Variants in LAMA5 observed in about 807,000 individuals in gnomAD.
The protein encoded by LAMA5 is laminin subunit alpha 5.
In LAMA5, 260 loss-of-function variants were observed where a neutral mutation model predicts 433.4. The ratio of observed to expected loss-of-function variants is 0.60; its 90% CI spans 0.54 to 0.66. The LOEUF is 0.66. LAMA5 is among the 30% of genes least tolerant of loss of function. LAMA5 has a pLI of 0.00. For missense variants in LAMA5, 5,378 were observed against 5,258.5 expected (o/e 1.02, Z -0.70); for synonymous variants, 2,620 against 2,226.6 (o/e 1.18, Z -4.97).
intron 20 of LAMA5, 27 bp from the exon 21 acceptor site, chr20:62,334,648 G>A: frequency 1.3e-6 from 2 of 1,531,610 alleles, no homozygotes; most frequent in Non-Finnish European, 1.8e-6. Flanking sequence ...GGAGGTCAGA[G>A]GCTGCCTGGC....
At chr20:62,357,974 G>C (rs1029535016) in intron 2 of LAMA5, among the ~76,000 whole-genome samples, 4 of 152,224 alleles carry the variant, frequency 2.6e-5, no homozygotes, top group African/African-American at 9.7e-5. Flanking sequence ...TATCCCAAGG[G>C]GACCCCTCGG....
At chr20:62,316,101 A>C in intron 57 of LAMA5, 43 bp from the exon 58 acceptor site, 1 of 1,402,002 alleles carries the variant, frequency 7.1e-7, no homozygotes, top group Non-Finnish European at 9.9e-7. Context: ...CTTCACCCCC[A>C]GTATACAATT....
Position 62,309,777 on chromosome 20 carries a change from C to G in LAMA5, c.10887G>C (p.Val3629=). 1 of 1,607,708 alleles carries G rather than the reference C, an allele frequency of 6.2e-7. No homozygotes were observed. Among genetic ancestry groups the G allele is most frequent in the Non-Finnish European group, 8.5e-7 (1 of 1,178,506 alleles). The change falls in exon 79 of 80, where the codon GTG becomes GTC. Residue 3629 remains valine (V), a synonymous_variant. Transcript: ENST00000252999. ...LEVDAQSNHT[V]GPLLAAAAGA... ...CAGCTGCAGCCGCCAGCAAGGGGCC[C>G]ACGGTGTGGTTGCTCTGCGCGTCCA...
At chr20:62,330,012 T>C in intron 31 of LAMA5, 96 bp from the exon 32 acceptor site, 1 of 1,482,342 alleles carries the variant, frequency 6.7e-7, no homozygotes, top group East Asian at 2.4e-5. Context: ...AGCCAAGGAG[T>C]GCCCGCTGGC....
intron 50 of LAMA5, 84 bp downstream of exon 50, chr20:62,320,474 TA>T: frequency 3.9e-6 from 4 of 1,018,038 alleles, no homozygotes; most frequent in South Asian, 1.4e-5. Flanking sequence ...AGGCATGAAG[TA>T]ACATCTGCTG....
chr20:62,341,946 A>C (rs184343994), intron 11 of LAMA5, among the ~76,000 whole-genome samples: 23 of 152,354 alleles, frequency 1.5e-4, no homozygotes, highest in Non-Finnish European at 2.6e-4. Flanking sequence ...ATGTCAATAC[A>C]TTAAAAAATC....
At chr20:62,346,364 C>T (rs1003519999) in intron 9 of LAMA5, 142 bp downstream of exon 9, 8 of 1,354,082 alleles carry the variant, frequency 5.9e-6, no homozygotes, top group East Asian at 2.5e-5. Flanking sequence ...GCTGGGGACC[C>T]GCCCCGTGGC....
intron 45 of LAMA5, 111 bp from the exon 46 acceptor site, chr20:62,322,869 C>A (rs1601322114): frequency 3.0e-6 from 2 of 675,574 alleles, no homozygotes; most frequent in Non-Finnish European, 4.7e-6. Context: ...CTCCTCCAGG[C>A]CGCCCGGACC....
rs576733612 is a variant in LAMA5 at position 62,314,610 on chromosome 20, G to A, written c.8312C>T (p.Pro2771Leu). Residue 2771 changes from proline to leucine, a missense_variant, in exon 61 of 80, where the codon CCT becomes CTT. Coordinates refer to ENST00000252999, the MANE Select transcript of LAMA5 (RefSeq NM_005560.6). ...ALKFYLQGPE[P>L]EPGQGTEDRF... Reference sequence around the variant, plus strand: ...ATCCTCGGTACCCTGCCCAGGCTCAGGCTCTGGGCCCTGCAGGTAGAACTT... The same window carrying A: ...ATCCTCGGTACCCTGCCCAGGCTCAAGCTCTGGGCCCTGCAGGTAGAACTT... The A allele has an allele frequency of 6.2e-7, 1 of 1,612,534 alleles. No homozygotes were observed. The highest frequency in any genetic ancestry group is 1.3e-5 in the African/African-American group (1 of 75,044).
chr20:62,323,143 T>C lies in LAMA5; in HGVS notation c.6064+313A>G, dbSNP rs562687586. Among the ~76,000 whole-genome samples the C allele has an allele frequency of 8.0e-5, 6 of 75,336 alleles. No homozygotes were observed. The East Asian group carries it at 2.4e-3, about 31-fold the overall frequency. 49.4% of individuals were successfully genotyped at this position (75,336 alleles called of 152,430 possible). ...GTGAAGGTGGGGGCCTGATCATGGGTAGGGGAGGGGGGATGTGATCCTGGT... is the reference window on the plus strand; with the variant it reads ...GTGAAGGTGGGGGCCTGATCATGGGCAGGGGAGGGGGGATGTGATCCTGGT... On this transcript the variant is annotated intron_variant, in intron 45 of 79. Transcript: ENST00000252999.
chr20:62,329,359 GCAGCAGCAGCCCAGCCCAGCCCAGCCCA>G lies in LAMA5; in HGVS notation c.4120-134_4120-107del. ...GTCCTGCAGGCAGCTCAGAGTCCTG[GCAGCAGCAGCCCAGCCCAGCCCAGCCCA>G]GCCCTGGGCCCTGGCTGCTCAGGGG... On this transcript the variant is annotated intron_variant, in intron 32 of 79. Transcript: ENST00000252999. The G allele has an allele frequency of 3.7e-6, 3 of 801,638 alleles. No homozygotes were observed. The South Asian group carries it at 5.2e-5, about 14-fold the overall frequency. The allele number at this position is 801,638 out of a possible 1,614,324, so 49.7% of individuals were successfully genotyped here.
In LAMA5 at chr20:62,332,683, G is replaced by A. The variant is rs1163316841; in HGVS notation, c.3317C>T (p.Pro1106Leu). 6 of 1,610,978 alleles carry A rather than the reference G, an allele frequency of 3.7e-6. No individual in the cohort carries two copies. The highest frequency in any genetic ancestry group is 5.1e-6 in the Non-Finnish European group (6 of 1,179,256). The change falls in exon 27 of 80, where the codon CCA (proline) becomes CTA (leucine). Residue 1106 changes from proline to leucine, a missense_variant. Physicochemically the swap from Pro to Leu is moderately conservative, Grantham distance 98. Transcript: ENST00000252999. The stretch of plus-strand genomic sequence containing the variant: ...CTCCACCACTAGGGCATAGCGGCCT[G>A]GCTGTGGCACTGCCACTTGAAGCTG... ...DVQLQVAVPQ[P>L]GRYALVVEYA...
At chr20:62,329,366 CAG>C (rs1163141229) in intron 32 of LAMA5, 113 bp from the exon 33 acceptor site, 1 of 51,034 alleles carries the variant, frequency 2.0e-5, no homozygotes, top group African/African-American at 7.5e-5. Flanking sequence ...CTGGCAGCAG[CAG>C]CCCAGCCCAG....
Position 62,313,561 on chromosome 20 carries a change from A to G in LAMA5, c.8658+88T>C, listed in dbSNP as rs1485991674. ...CTACAGCAGGACGGACTGAGGCAAG[A>G]TACCAAAAGAACCCGCGGCTCTCCA... On this transcript the variant is annotated intron_variant, in intron 63 of 79. Coordinates refer to ENST00000252999, the MANE Select transcript of LAMA5 (RefSeq NM_005560.6). The G allele has an allele frequency of 8.9e-6, 14 of 1,572,144 alleles. No individual in the cohort carries two copies. The East Asian group carries it at 2.0e-4, about 23-fold the overall frequency.
chr20:62,309,428 T>G lies in LAMA5; in HGVS notation c.10996A>C (p.Arg3666=). 1 of 1,584,528 alleles carries G rather than the reference T, an allele frequency of 6.3e-7. No homozygotes were observed. ...GGGGACCGGTTCACCGCCAGCCTCC[T>G]CATGCAGCCGCAGTAGGCGGGGGGC... ...PWPPAYCGCM[R]RLAVNRSPVA... The change falls in exon 80 of 80, where the codon AGG becomes CGG. Residue 3666 remains arginine (R), a synonymous_variant. Coordinates refer to ENST00000252999, the MANE Select transcript of LAMA5 (RefSeq NM_005560.6).
chr20:62,316,066 G>C lies in LAMA5; in HGVS notation c.7757-8C>G. The C allele has an allele frequency of 6.3e-7, 1 of 1,597,122 alleles. No individual in the cohort carries two copies. The highest frequency in any genetic ancestry group is 8.5e-7 in the Non-Finnish European group (1 of 1,172,034). On this transcript the variant is annotated splice_polypyrimidine_tract_variant and splice_region_variant and intron_variant, in intron 57 of 79. Transcript: ENST00000252999. ...CCTGGAGGGCAGCCCACACTGCGGG[G>C]GAGGCAGCTTCAGCTCCCAGGCAGC... is the stretch of plus-strand genomic sequence containing the variant.
intron 1 of LAMA5, among the ~76,000 whole-genome samples, chr20:62,364,901 A>C (rs1601442328): frequency 6.6e-6 from 1 of 152,240 alleles, no homozygotes; most frequent in African/African-American, 2.4e-5. Context: ...CCTCAGATGG[A>C]GCTGCGGCTT....
At position 62,327,249 on chromosome 20, in the gene LAMA5, G is replaced by A. The variant is rs1979459109; in HGVS notation, c.5096C>T (p.Ser1699Phe). Residue 1699 changes from serine to phenylalanine, a missense_variant, in exon 38 of 80, where the codon TCC becomes TTC. Ser to Phe is a radical substitution (Grantham distance 155). Coordinates refer to ENST00000252999, the MANE Select transcript of LAMA5 (RefSeq NM_005560.6). ...FPELYWQAPP[S>F]YLGDRVSSYG... The stretch of plus-strand genomic sequence containing the variant: ...CCTGCTTACCCGGTCCCCCAGGTAG[G>A]AGGGTGGGGCCTGCCAGTACAGCTC... 1 of 1,521,114 alleles carries A rather than the reference G, an allele frequency of 6.6e-7. No homozygotes were observed. Among genetic ancestry groups the A allele is most frequent in the East Asian group, 2.3e-5 (1 of 43,480 alleles). The allele number at this position is 1,521,114 out of a possible 1,614,324, so 94.2% of individuals were successfully genotyped here.
intron 58 of LAMA5, among the ~76,000 whole-genome samples, chr20:62,315,700 T>C (rs1986863892): frequency 6.6e-6 from 1 of 152,088 alleles, no homozygotes; most frequent in African/African-American, 2.4e-5. Context: ...CCTACAGCCC[T>C]CCCACCTATA....
Sources: allele counts gnomAD v4.1 joint callset (sites outside exome capture counted in the v4.1 genomes callset), GRCh38; gene constraint gnomAD v4.1.1; transcripts MANE v1.5; gene names NCBI Gene and HGNC (gene_info 2026-07-23, HGNC 2026-07-21).